ELOVL2: variants seen among roughly 807,000 people sequenced by gnomAD.
ELOVL2 encodes the protein very long chain fatty acid elongase 2.
ELOVL2 carries 38 observed loss-of-function variants against 37.7 expected under a neutral mutation model. The ratio of observed to expected loss-of-function variants is 1.01; its 90% CI spans 0.78 to 1.32. ELOVL2 has a LOEUF of 1.32. Ranked by LOEUF, ELOVL2 falls within the 40% of genes most tolerant of loss-of-function variation. The probability of loss-of-function intolerance (pLI) is 0.00; values close to 1 mark genes in which losing one functional copy is unlikely to be tolerated. For missense variants in ELOVL2, 352 were observed against 363.6 expected (o/e 0.97, Z 0.26); for synonymous variants, 115 against 122.3 (o/e 0.94, Z 0.40).
Position 10,990,424 on chromosome 6 carries a change from A to G in ELOVL2, c.524T>C (p.Leu175Pro), listed in dbSNP as rs1452563823. 1 of 1,600,804 alleles carries G rather than the reference A, an allele frequency of 6.2e-7. No individual in the cohort carries two copies. The highest frequency in any genetic ancestry group is 2.2e-5 in the East Asian group (1 of 44,538). Residue 175 changes from leucine to proline, a missense_variant, in exon 6 of 8, where the codon CTG (leucine) becomes CCG (proline). Leu to Pro is a moderately conservative substitution (Grantham distance 98). Transcript: ENST00000354666. ...PCGQSFFGPT[L>P]NSFIHILMYS... is the part of the protein sequence containing the mutation. ...CATAAGAATGTGGATAAAACTGTTC[A>G]GTGTTGGTCCAAAGAAACCTATAAA...
chr6:11,027,506 T>C (rs1782856507), intron 1 of ELOVL2, among the ~76,000 whole-genome samples: 2 of 152,240 alleles, frequency 1.3e-5, no homozygotes, highest in African/African-American at 4.8e-5. Context: ...CATTCCATTT[T>C]AAAAATGTTT....
chr6:10,986,954 A>G (rs1415095669), intron 7 of ELOVL2, among the ~76,000 whole-genome samples: 1 of 152,184 alleles, frequency 6.6e-6, no homozygotes, highest in African/African-American at 2.4e-5. Flanking sequence ...CTCTGGTAGA[A>G]TTCGGCTGTG....
rs1240647525 is a variant in ELOVL2, at chr6:10,981,046, A to G, written c.*2735T>C. On this transcript the variant is annotated 3_prime_UTR_variant, in exon 8 of 8. Transcript: ENST00000354666. ...AACACTGTTTTGCCTTAAAATAAAA[A>G]TAATAAAATATTTCTCAAATGCAGG... 1 of 152,278 alleles carries G rather than the reference A, an allele frequency of 6.6e-6. No homozygotes were observed. The highest frequency in any genetic ancestry group is 2.4e-5 in the African/African-American group (1 of 41,466). The allele number at this position is 152,278 out of a possible 1,614,324, so 9.4% of individuals were successfully genotyped here. A position where few individuals can be genotyped will look rare whatever the true frequency, so the allele number is the denominator to read the frequency against.
At chr6:10,993,756 C>G (rs1409427903) in intron 5 of ELOVL2, among the ~76,000 whole-genome samples, 3 of 151,784 alleles carry the variant, frequency 2.0e-5, no homozygotes, top group African/African-American at 7.3e-5. Flanking sequence ...GGCGTGATCT[C>G]AGCTCACTGC....
chr6:10,984,414 G>C (rs913685648), intron 7 of ELOVL2, among the ~76,000 whole-genome samples: 4 of 151,526 alleles, frequency 2.6e-5, no homozygotes, highest in Admixed American at 6.6e-5. Flanking sequence ...CAATGTGCAG[G>C]TTAGTTACAT....
chr6:10,999,285 G>T (rs1174907232), intron 4 of ELOVL2, among the ~76,000 whole-genome samples: 1 of 151,870 alleles, frequency 6.6e-6, no homozygotes, highest in Non-Finnish European at 1.5e-5. Context: ...AAAGCACTCA[G>T]TGGTTCCAAA....
chr6:10,989,862 C>A, intron 6 of ELOVL2, 25 bp from the exon 7 acceptor site: 1 of 1,613,740 alleles, frequency 6.2e-7, no homozygotes, highest in Non-Finnish European at 8.5e-7. Context: ...GAGGGCATCT[C>A]TGTGAGCGAG....
chr6:11,033,756 T>A (rs547748024), intron 1 of ELOVL2, among the ~76,000 whole-genome samples: 261 of 152,344 alleles, frequency 1.7e-3, no homozygotes, highest in African/African-American at 5.9e-3. Flanking sequence ...TCACTTTTTT[T>A]ATCCTCCCCA....
intron 7 of ELOVL2, 41 bp from the exon 8 acceptor site, chr6:10,983,947 T>G: frequency 6.4e-7 from 1 of 1,555,456 alleles, no homozygotes; most frequent in Non-Finnish European, 8.8e-7. Flanking sequence ...ATAAAAAGGT[T>G]ATTTAATAAG....
At chr6:11,025,887 T>C (rs776184172) in intron 1 of ELOVL2, among the ~76,000 whole-genome samples, 1 of 152,244 alleles carries the variant, frequency 6.6e-6, no homozygotes, top group Non-Finnish European at 1.5e-5. Flanking sequence ...TGTATCATTA[T>C]AGAGAATGTT....
chr6:11,011,214 A>T (rs2113524131), intron 1 of ELOVL2, among the ~76,000 whole-genome samples: 1 of 152,142 alleles, frequency 6.6e-6, no homozygotes, highest in East Asian at 1.9e-4. Flanking sequence ...AATACAAAAA[A>T]AATTAGCCAG....
In ELOVL2 at chr6:11,005,708, AG is replaced by A. The variant is rs1782470478; in HGVS notation, c.68-150del. 7.8e-6 allele frequency: 5 copies of A among 641,904 alleles called. No individual in the cohort carries two copies. In the East Asian group the frequency reaches 1.4e-4, roughly 18 times the overall value. The allele number at this position is 641,904 out of a possible 1,614,324, so 39.8% of individuals were successfully genotyped here. On this transcript the variant is annotated intron_variant, in intron 2 of 7. Coordinates refer to ENST00000354666, the MANE Select transcript of ELOVL2 (RefSeq NM_017770.4). Reference sequence around the variant, plus strand: ...GTAGGCTGGCCTGGGTTTAGAGTTCAGGGGAAGAGGAAGCCTGTGGGCTGAA... The same window carrying A: ...GTAGGCTGGCCTGGGTTTAGAGTTCAGGGAAGAGGAAGCCTGTGGGCTGAA...
At chr6:11,026,324 C>T (rs757334955) in intron 1 of ELOVL2, among the ~76,000 whole-genome samples, 3 of 151,994 alleles carry the variant, frequency 2.0e-5, no homozygotes, top group East Asian at 1.9e-4. Context: ...GAGAAAGTCC[C>T]GCCAACTCAT....
In ELOVL2 at chr6:11,012,422, C is replaced by T. The variant is rs559914187; in HGVS notation, c.4-1613G>A. Among the ~76,000 whole-genome samples the T allele has an allele frequency of 5.3e-5, 8 of 152,164 alleles. No individual in the cohort carries two copies. The East Asian group carries it at 9.6e-4, about 18-fold the overall frequency. ...GATCTGTGTTGCTTTAGAATGGGGG[C>T]GGCTGACCAGAGGCCTCTCAGTCTT... On this transcript the variant is annotated intron_variant, in intron 1 of 7. Transcript: ENST00000354666.
At chr6:11,020,161 G>T (rs1782743058) in intron 1 of ELOVL2, among the ~76,000 whole-genome samples, 1 of 147,976 alleles carries the variant, frequency 6.8e-6, no homozygotes, top group African/African-American at 2.5e-5. Context: ...GAGGAAAGTT[G>T]TACAAGTTCC....
chr6:11,040,405 A>G (rs58800225), intron 1 of ELOVL2, among the ~76,000 whole-genome samples: 11,683 of 151,888 alleles, frequency 0.077, 1,331 homozygotes, highest in African/African-American at 0.25. Context: ...ACTGAGATGC[A>G]CTCTAAGCAT....
At chr6:10,984,901 G>A (rs1441754065) in intron 7 of ELOVL2, among the ~76,000 whole-genome samples, 2 of 152,142 alleles carry the variant, frequency 1.3e-5, no homozygotes, top group Admixed American at 1.3e-4. Flanking sequence ...GGGTCAAATG[G>A]TATTTCTAGT....
chr6:11,034,866 G>A (rs1397621709), intron 1 of ELOVL2, among the ~76,000 whole-genome samples: 1 of 151,662 alleles, frequency 6.6e-6, no homozygotes, highest in Non-Finnish European at 1.5e-5. Context: ...AGCCAAGCGT[G>A]GTGGCATGCG....
intron 1 of ELOVL2, among the ~76,000 whole-genome samples, chr6:11,016,434 T>G (rs1454522180): frequency 1.3e-5 from 2 of 152,198 alleles, no homozygotes; most frequent in Non-Finnish European, 2.9e-5. Flanking sequence ...AAAGACTTTG[T>G]CTTTTCTTTT....
Sources: gnomAD v4.1 joint callset for allele counts (sites outside exome capture counted in the v4.1 genomes callset) on GRCh38, gnomAD v4.1.1 for gene constraint, MANE v1.5 for transcripts, NCBI Gene and HGNC (gene_info 2026-07-23, HGNC 2026-07-21) for gene names.